The following NCAM1 variants were observed in gnomAD, a reference collection of about 807,000 sequenced individuals.
NCAM1 encodes neural cell adhesion molecule 1.
A neutral mutation model predicts 109.8 loss-of-function variants in NCAM1; 14 were observed. The observed-to-expected ratio is 0.13, with a 90% CI of 0.08 to 0.20. The LOEUF (loss-of-function observed/expected upper bound fraction) is 0.20. Ranked by LOEUF, NCAM1 falls within the 10% of genes least tolerant of loss-of-function variation. NCAM1 has a pLI of 1.00. For synonymous variants in NCAM1, 418 were observed against 442.9 expected (o/e 0.94, Z 0.70); for missense variants, 774 against 1,109.9 (o/e 0.70, Z 4.30).
At chr11:113,078,284 C>T (rs1237393298) in intron 1 of NCAM1, among the ~76,000 whole-genome samples, 1 of 152,154 alleles carries the variant, frequency 6.6e-6, no homozygotes, top group African/African-American at 2.4e-5. Flanking sequence ...AATCTCCCTT[C>T]CCCTTTTCTT....
intron 9 of NCAM1, among the ~76,000 whole-genome samples, chr11:113,223,182 AC>A (rs1711779916): frequency 1.3e-5 from 2 of 152,168 alleles, no homozygotes; most frequent in African/African-American, 4.8e-5. Context: ...GGTCAGCATG[AC>A]TTTTTGTCTG....
At chr11:113,186,114 AC>A (rs1943501769) in intron 1 of NCAM1, among the ~76,000 whole-genome samples, 1 of 152,182 alleles carries the variant, frequency 6.6e-6, no homozygotes, top group African/African-American at 2.4e-5. Context: ...AACAGTCCTT[AC>A]AAAGTTCAGT....
chr11:113,012,469 C>T (rs1555074678), intron 1 of NCAM1, among the ~76,000 whole-genome samples: 1 of 152,158 alleles, frequency 6.6e-6, no homozygotes, highest in Non-Finnish European at 1.5e-5. Context: ...TAGTAATGCA[C>T]CACAAACCAG....
At chr11:113,174,233 A>T (rs995423805) in intron 1 of NCAM1, among the ~76,000 whole-genome samples, 1 of 152,152 alleles carries the variant, frequency 6.6e-6, no homozygotes, top group East Asian at 1.9e-4. Flanking sequence ...AGTTCCTCGA[A>T]TCTGCAGACT....
chr11:113,054,819 C>T (rs781872562), intron 1 of NCAM1, among the ~76,000 whole-genome samples: 6 of 151,964 alleles, frequency 3.9e-5, no homozygotes, highest in Non-Finnish European at 7.4e-5. Flanking sequence ...ATGATTAATT[C>T]AGAGTCTGAG....
At position 112,963,400 on chromosome 11, in the gene NCAM1, T is replaced by A. The variant is rs942147126; in HGVS notation, c.52+1736T>A. 17 of 152,288 alleles carry A rather than the reference T, an allele frequency of 1.1e-4. No individual in the cohort carries two copies. Among genetic ancestry groups the A allele is most frequent in the African/African-American group, 3.9e-4 (16 of 41,548 alleles). 9.4% of individuals were successfully genotyped at this position (152,288 alleles called of 1,614,324 possible). A position where few individuals can be genotyped will look rare whatever the true frequency, so the allele number is the denominator to read the frequency against. ...CAGCGCTCACTCTCGCGCCGCGGAA[T>A]CCGGGCCTGAGCGCGTCGCCGGGGA... On this transcript the variant is annotated intron_variant, in intron 1 of 19. Coordinates refer to ENST00000316851, the MANE Select transcript of NCAM1 (RefSeq NM_181351.5). The surrounding 1 kb of genome is among the most constrained non-coding windows in gnomAD (Gnocchi z 4.6).
intron 1 of NCAM1, among the ~76,000 whole-genome samples, chr11:113,086,376 C>G (rs369889774): frequency 1.3e-5 from 2 of 152,306 alleles, no homozygotes; most frequent in East Asian, 3.9e-4. Context: ...GACTCCCTGC[C>G]AATCTTCAGG....
intron 1 of NCAM1, among the ~76,000 whole-genome samples, chr11:113,003,073 G>A (rs1439181223): frequency 6.6e-6 from 1 of 152,204 alleles, no homozygotes; most frequent in African/African-American, 2.4e-5. Context: ...TGGTATTTCA[G>A]ATACCCAGAT....
intron 14 of NCAM1, among the ~76,000 whole-genome samples, chr11:113,238,183 A>C (rs1945230248): frequency 6.6e-6 from 1 of 152,114 alleles, no homozygotes; most frequent in South Asian, 2.1e-4. Flanking sequence ...TCTGCATTCC[A>C]AGTAGGTCAT....
At chr11:113,127,655 A>G (rs1941230806) in intron 1 of NCAM1, among the ~76,000 whole-genome samples, 8 of 152,242 alleles carry the variant, frequency 5.3e-5, no homozygotes, top group Admixed American at 5.2e-4. Flanking sequence ...GTTGCAAGGC[A>G]TTGAAAATTG....
chr11:113,129,442 A>G (rs1941308499), intron 1 of NCAM1, among the ~76,000 whole-genome samples: 1 of 152,114 alleles, frequency 6.6e-6, no homozygotes, highest in African/African-American at 2.4e-5. Context: ...TAGGGACTCT[A>G]TAGACAAGGA....
chr11:113,153,446 CAGAGAGTG>C (rs371825866), intron 1 of NCAM1, among the ~76,000 whole-genome samples: 1 of 145,078 alleles, frequency 6.9e-6, no homozygotes, highest in African/African-American at 2.6e-5. Flanking sequence ...GGCACAGAGA[CAGAGAGTG>C]AGAGAGAGAG....
At chr11:112,992,600 G>C (rs566908823) in intron 1 of NCAM1, among the ~76,000 whole-genome samples, 1 of 149,890 alleles carries the variant, frequency 6.7e-6, no homozygotes, top group African/African-American at 2.5e-5. Context: ...CTCTGGGTTC[G>C]CACCATTCTC....
At chr11:113,213,540 G>A (rs77335773) in intron 7 of NCAM1, among the ~76,000 whole-genome samples, 1,851 of 152,206 alleles carry the variant, frequency 0.012, 17 homozygotes, top group Non-Finnish European at 0.022. Flanking sequence ...TTGAGTTAAT[G>A]CTAACACCCT....
chr11:113,277,942 A>C lies in NCAM1; in HGVS notation c.*2555A>C, dbSNP rs1266305477. 1.4e-5 allele frequency: 2 copies of C among 146,508 alleles called. No homozygotes were observed. Among genetic ancestry groups the C allele is most frequent in the African/African-American group, 5.0e-5 (2 of 39,790 alleles). The allele number at this position is 146,508 out of a possible 1,614,324, so 9.1% of individuals were successfully genotyped here. ...CCAAGATGTTTTATCTTTTATGTTA[A>C]GAGATCAAAGCTTATAATTTTCTTT... On this transcript the variant is annotated 3_prime_UTR_variant, in exon 20 of 20. Transcript: ENST00000316851.
At chr11:113,245,090 GTT>G (rs113910402) in intron 14 of NCAM1, among the ~76,000 whole-genome samples, 102 of 144,768 alleles carry the variant, frequency 7.0e-4, no homozygotes, top group African/African-American at 2.3e-3. Context: ...TAAGAAAAGT[GTT>G]TTTTTTTTTT....
chr11:113,061,932 T>A (rs1229860266), intron 1 of NCAM1, among the ~76,000 whole-genome samples: 5 of 152,138 alleles, frequency 3.3e-5, no homozygotes, highest in Admixed American at 3.3e-4. Context: ...AAGTAGATAG[T>A]CCATCTCGAT....
chr11:113,185,208 A>G (rs1277117392), intron 1 of NCAM1, among the ~76,000 whole-genome samples: 1 of 151,876 alleles, frequency 6.6e-6, no homozygotes, highest in Non-Finnish European at 1.5e-5. Context: ...CTTATAGTCT[A>G]GTTTCAATCT....
intron 1 of NCAM1, among the ~76,000 whole-genome samples, chr11:113,173,548 T>G (rs1449887422): frequency 2.7e-5 from 4 of 146,840 alleles, no homozygotes; most frequent in Admixed American, 6.9e-5. Flanking sequence ...GAGCACTTCA[T>G]TATGGGAGTG....
Sources: allele counts gnomAD v4.1 joint callset (sites outside exome capture counted in the v4.1 genomes callset), GRCh38; gene constraint gnomAD v4.1.1; non-coding constraint Gnocchi (gnomAD v3.1); transcripts MANE v1.5; gene names NCBI Gene and HGNC (gene_info 2026-07-23, HGNC 2026-07-21).